The following MAST2 variants were observed in gnomAD, a reference collection of about 807,000 sequenced individuals.
MAST2 encodes the protein microtubule-associated serine/threonine-protein kinase 2.
A neutral mutation model predicts 147.4 loss-of-function variants in MAST2; 70 were observed. That is an observed-to-expected ratio of 0.47 (90% CI 0.39 to 0.58). The LOEUF (loss-of-function observed/expected upper bound fraction) is 0.58. Ranked by LOEUF, MAST2 falls within the 20% of genes least tolerant of loss-of-function variation. The pLI is 0.00. For missense variants in MAST2, 2,080 were observed against 2,302.3 expected, an observed-to-expected ratio of 0.90 and a Z score of 1.98; for synonymous variants, 869 against 896.8, an observed-to-expected ratio of 0.97 and a Z score of 0.55.
At chr1:45,847,316 G>A (rs954822853) in intron 3 of MAST2, 7 of 499,492 alleles carry the variant, frequency 1.4e-5, no homozygotes, top group Non-Finnish European at 2.8e-5. Flanking sequence ...CCCTGATACT[G>A]TTATGTAACT....
intron 3 of MAST2, among the ~76,000 whole-genome samples, chr1:45,862,657 A>T (rs1000053113): frequency 2.0e-5 from 3 of 152,046 alleles, no homozygotes; most frequent in Non-Finnish European, 4.4e-5. Flanking sequence ...TTTAGTAGAA[A>T]CACGGTTTTG....
chr1:45,937,397 C>T (rs1656393322), intron 4 of MAST2, among the ~76,000 whole-genome samples: 1 of 151,588 alleles, frequency 6.6e-6, no homozygotes. Context: ...TCCCAAGTAG[C>T]AAGGACTACA....
At chr1:45,987,818 T>TTTTTTTTTTA in intron 5 of MAST2, among the ~76,000 whole-genome samples, 1 of 148,862 alleles carries the variant, frequency 6.7e-6, no homozygotes, top group Admixed American at 6.7e-5. Flanking sequence ...GTGTTTTTTG[T>TTTTTTTTTTA]TAGAGACCAA....
intron 3 of MAST2, among the ~76,000 whole-genome samples, chr1:45,833,373 AT>A (rs1387396388): frequency 2.6e-5 from 3 of 115,800 alleles, no homozygotes; most frequent in African/African-American, 7.2e-5. Flanking sequence ...TAGGTGGAAT[AT>A]TGTTCAAGAT....
intron 3 of MAST2, among the ~76,000 whole-genome samples, chr1:45,870,933 A>T (rs1646361866): frequency 6.6e-6 from 1 of 152,122 alleles, no homozygotes; most frequent in African/African-American, 2.4e-5. Context: ...TCTCAAAAAA[A>T]ATTAAAATAA....
At chr1:45,904,705 A>C (rs1325374890) in intron 4 of MAST2, among the ~76,000 whole-genome samples, 1 of 152,052 alleles carries the variant, frequency 6.6e-6, no homozygotes. Flanking sequence ...AGTTCAAGTG[A>C]TCCACCCTGC....
intron 10 of MAST2, among the ~76,000 whole-genome samples, chr1:46,016,736 G>A (rs1382994357): frequency 1.3e-5 from 2 of 152,218 alleles, no homozygotes; most frequent in Admixed American, 6.5e-5. Context: ...TCGTGAAAAT[G>A]GCCATACTGC....
chr1:46,027,801 C>A lies in MAST2; in HGVS notation c.1990C>A (p.Leu664Met). ...FGLSKIGLMS[L>M]TTNLYEGHIE... Reference sequence around the variant, plus strand: ...ACTGTCCAAAATTGGCCTCATGAGTCTGACAACGAACTTGTATGAGGGTCA... The same window carrying A: ...ACTGTCCAAAATTGGCCTCATGAGTATGACAACGAACTTGTATGAGGGTCA... The change falls in exon 17 of 29, where the codon CTG becomes ATG. Residue 664 changes from leucine (L) to methionine (M), a missense_variant. By Grantham distance (15) the Leu-to-Met change is conservative. Coordinates refer to ENST00000361297, the MANE Select transcript of MAST2 (RefSeq NM_015112.3). 6.2e-7 allele frequency: 1 copy of A among 1,614,164 alleles called. No homozygotes were observed. Among genetic ancestry groups the A allele is most frequent in the Non-Finnish European group, 8.5e-7 (1 of 1,180,020 alleles).
At chr1:46,033,966 T>C in intron 27 of MAST2, 28 bp downstream of exon 27, 2 of 1,613,042 alleles carry the variant, frequency 1.2e-6, no homozygotes, top group Non-Finnish European at 1.7e-6. Context: ...AAGAGGGTTT[T>C]CTCTGAGCCA....
intron 3 of MAST2, among the ~76,000 whole-genome samples, chr1:45,875,034 T>A (rs1479723949): frequency 6.6e-6 from 1 of 152,126 alleles, no homozygotes; most frequent in East Asian, 1.9e-4. Flanking sequence ...GACTGGAGAA[T>A]TATGCAAATG....
Position 45,987,777 on chromosome 1 carries a change from A to ATTTTTTTTTTTTTTTTTTTTTTTTTTTTG in MAST2, c.593-9923_593-9922insTTTTGTTTTTTTTTTTTTTTTTTTTTTTT. ...AGCATTTCTTGTTTTTTTTTTTTTG[A>ATTTTTTTTTTTTTTTTTTTTTTTTTTTTG]TTTTTTTTTTTTTTTTTTTTTTTTG... On this transcript the variant is annotated intron_variant, in intron 5 of 28. Coordinates refer to ENST00000361297, the MANE Select transcript of MAST2 (RefSeq NM_015112.3). 3.7e-4 allele frequency among the ~76,000 whole-genome samples: 8 copies of ATTTTTTTTTTTTTTTTTTTTTTTTTTTTG among 21,800 alleles called. 1 individual carries two copies. The highest frequency in any genetic ancestry group is 6.3e-4 in the African/African-American group (3 of 4,750). 14.3% of individuals were successfully genotyped at this position (21,800 alleles called of 152,430 possible).
chr1:45,823,048 T>C (rs754565799), intron 1 of MAST2, among the ~76,000 whole-genome samples: 7 of 152,206 alleles, frequency 4.6e-5, no homozygotes, highest in Non-Finnish European at 1.0e-4. Flanking sequence ...TGTCTTTTTC[T>C]TCTTTTCAGG....
In MAST2 at chr1:46,030,081, G is replaced by A. The variant is rs758222190; in HGVS notation, c.2444-48G>A. The A allele has an allele frequency of 9.3e-6, 15 of 1,607,434 alleles. No homozygotes were observed. The East Asian group carries it at 2.2e-4, about 24-fold the overall frequency. On this transcript the variant is annotated intron_variant, in intron 20 of 28. Coordinates refer to ENST00000361297, the MANE Select transcript of MAST2 (RefSeq NM_015112.3). ...CTGAAATCTAATGGGGTCACAAGGA[G>A]GCCACCAGCAGGGCTCTGAAGGAAA... is the stretch of plus-strand genomic sequence containing the variant.
Position 45,905,912 on chromosome 1 carries a change from T to C in MAST2, c.500+23517T>C, listed in dbSNP as rs1468023796. The stretch of plus-strand genomic sequence containing the variant: ...AAATGTTTATACTGTTGTACTTTCC[T>C]ACTAGGGATGTCGAGGGTTCCAGTT... On this transcript the variant is annotated intron_variant, in intron 4 of 28. Coordinates refer to ENST00000361297, the MANE Select transcript of MAST2 (RefSeq NM_015112.3). Among the ~76,000 whole-genome samples the C allele has an allele frequency of 3.3e-5, 5 of 152,206 alleles. No homozygotes were observed. The East Asian group carries it at 9.6e-4, about 29-fold the overall frequency.
At chr1:45,920,094 A>G (rs1413043355) in intron 4 of MAST2, among the ~76,000 whole-genome samples, 2 of 152,138 alleles carry the variant, frequency 1.3e-5, no homozygotes, top group African/African-American at 4.8e-5. Flanking sequence ...TGAGTACTCT[A>G]TTTGATGCCC....
chr1:45,891,657 AT>A (rs892572220), intron 4 of MAST2, among the ~76,000 whole-genome samples: 122 of 147,144 alleles, frequency 8.3e-4, no homozygotes, highest in South Asian at 2.8e-3. Flanking sequence ...ACTTTTTCCA[AT>A]TTTTTTTTTT....
intron 2 of MAST2, among the ~76,000 whole-genome samples, chr1:45,827,002 G>A (rs1644813206): frequency 6.6e-6 from 1 of 151,842 alleles, no homozygotes; most frequent in Admixed American, 6.6e-5. Context: ...GCTAATTTTT[G>A]TATTTTTAGT....
At chr1:45,977,411 C>G (rs1022001302) in intron 5 of MAST2, among the ~76,000 whole-genome samples, 2 of 151,860 alleles carry the variant, frequency 1.3e-5, no homozygotes, top group African/African-American at 4.8e-5. Context: ...TGGGTTGAAC[C>G]CGGGAGGTGG....
intron 18 of MAST2, chr1:46,029,144 GACACCTGGTCTCTCATAT>G: frequency 3.4e-6 from 2 of 580,824 alleles, no homozygotes; most frequent in South Asian, 2.6e-5. Flanking sequence ...GTCTCTCATA[GACACCTGGTCTCTCATAT>G]ACACCTGGGT....
Sources: allele counts gnomAD v4.1 joint callset (sites outside exome capture counted in the v4.1 genomes callset), GRCh38; gene constraint gnomAD v4.1.1; transcripts MANE v1.5; gene names NCBI Gene and HGNC (gene_info 2026-07-23, HGNC 2026-07-21).